The following OR9Q1 variants were observed in gnomAD, a reference collection of about 807,000 sequenced individuals.
OR9Q1 encodes the protein olfactory receptor family 9 subfamily Q member 1.
For missense variants in OR9Q1, 374 were observed against 378.8 expected (o/e 0.99, Z 0.11); for synonymous variants, 153 against 148.6 (o/e 1.03, Z -0.22).
intron 1 of OR9Q1, among the ~76,000 whole-genome samples, chr11:58,037,757 C>T (rs1460455716): frequency 2.7e-5 from 3 of 109,350 alleles, no homozygotes; most frequent in Non-Finnish European, 5.1e-5. Context: ...CTCACTCAGT[C>T]GCCCAGGCTG....
At chr11:58,127,419 G>T (rs1182283655) in intron 2 of OR9Q1, among the ~76,000 whole-genome samples, 1 of 152,226 alleles carries the variant, frequency 6.6e-6, no homozygotes, top group Non-Finnish European at 1.5e-5. Context: ...AAAGATGTAG[G>T]ATGTAGTTTC....
intron 2 of OR9Q1, among the ~76,000 whole-genome samples, chr11:58,132,691 T>G (rs1854153265): frequency 1.3e-5 from 2 of 152,230 alleles, no homozygotes; most frequent in Admixed American, 1.3e-4. Context: ...AACACAGAGG[T>G]ATCTCCCTCA....
intron 2 of OR9Q1, among the ~76,000 whole-genome samples, chr11:58,086,411 C>T (rs777522984): frequency 9.2e-5 from 14 of 151,580 alleles, no homozygotes; most frequent in South Asian, 2.1e-4. Flanking sequence ...TTGGTGGTAA[C>T]GTAAATGAAT....
intron 2 of OR9Q1, among the ~76,000 whole-genome samples, chr11:58,082,440 T>G (rs1853596592): frequency 6.6e-6 from 1 of 151,842 alleles, no homozygotes; most frequent in Non-Finnish European, 1.5e-5. Flanking sequence ...GTTCATGTCC[T>G]TTGTAGGGAC....
chr11:58,082,735 TTAAAG>T (rs1371754224), intron 2 of OR9Q1, among the ~76,000 whole-genome samples: 1 of 101,744 alleles, frequency 9.8e-6, no homozygotes, highest in Admixed American at 9.2e-5. Flanking sequence ...ACCCTAAAAC[TTAAAG>T]TATAATAATA....
At chr11:58,031,783 G>T (rs1390517808) in intron 1 of OR9Q1, 2 of 1,613,842 alleles carry the variant, frequency 1.2e-6, no homozygotes, top group Non-Finnish European at 1.7e-6. Flanking sequence ...TCAACAAGGT[G>T]GTATCTGTCT....
chr11:58,173,340 T>A (rs1231273874), intron 2 of OR9Q1, among the ~76,000 whole-genome samples: 1 of 133,994 alleles, frequency 7.5e-6, no homozygotes, highest in Non-Finnish European at 1.5e-5. Flanking sequence ...CCTGTGTCCA[T>A]GTGTTCTCGT....
intron 2 of OR9Q1, among the ~76,000 whole-genome samples, chr11:58,114,813 A>G (rs1329945373): frequency 6.6e-6 from 1 of 152,182 alleles, no homozygotes; most frequent in Admixed American, 6.5e-5. Context: ...TTGAGGTCAC[A>G]CAGCTTCTCC....
intron 2 of OR9Q1, among the ~76,000 whole-genome samples, chr11:58,154,077 G>GAGA (rs761983089): frequency 7.2e-4 from 109 of 151,342 alleles, no homozygotes; most frequent in African/African-American, 2.4e-3. Flanking sequence ...GAGAGAGCGA[G>GAGA]AGAAGAAGAA....
intron 2 of OR9Q1, among the ~76,000 whole-genome samples, chr11:58,162,073 G>A (rs370559078): frequency 5.3e-5 from 8 of 152,180 alleles, no homozygotes; most frequent in Admixed American, 2.6e-4. Context: ...TGCCATTCCT[G>A]TGTGGAACCT....
In OR9Q1 at chr11:58,181,002, A is replaced by C. The variant is rs959344922; in HGVS notation, c.*625A>C. ...CAAACTATGGTCGTTTGATGATCCA[A>C]TTAGCAAAGCTGACCCTACTCAAGG... On this transcript the variant is annotated 3_prime_UTR_variant, in exon 3 of 3. Transcript: ENST00000335397. 6 of 167,050 alleles carry C rather than the reference A, an allele frequency of 3.6e-5. No individual in the cohort carries two copies. The East Asian group carries it at 5.8e-4, about 16-fold the overall frequency. 10.3% of individuals were successfully genotyped at this position (167,050 alleles called of 1,614,324 possible).
chr11:58,024,509 T>C (rs1371626954), intron 1 of OR9Q1, among the ~76,000 whole-genome samples: 2 of 152,100 alleles, frequency 1.3e-5, no homozygotes, highest in African/African-American at 4.8e-5. Flanking sequence ...CACAAGCAAA[T>C]AGCTACAGGA....
At chr11:58,123,941 T>C (rs932115855) in intron 2 of OR9Q1, among the ~76,000 whole-genome samples, 1 of 152,222 alleles carries the variant, frequency 6.6e-6, no homozygotes, top group African/African-American at 2.4e-5. Flanking sequence ...CCTCTTGATA[T>C]ACCCTTGGAA....
chr11:58,057,614 G>T (rs1181465577), intron 2 of OR9Q1: 2 of 152,208 alleles, frequency 1.3e-5, no homozygotes, highest in Admixed American at 6.5e-5. Flanking sequence ...TTCTAACTTT[G>T]TGGTTAACTC....
In OR9Q1 at chr11:58,179,736, G is replaced by T. The variant is rs1241176434; in HGVS notation, c.292G>T (p.Ala98Ser). The T allele has an allele frequency of 1.9e-6, 3 of 1,614,088 alleles. No individual in the cohort carries two copies. Among genetic ancestry groups the T allele is most frequent in the African/African-American group, 2.7e-5 (2 of 74,944 alleles). Residue 98 changes from alanine to serine, a missense_variant, in exon 3 of 3, where the codon GCT becomes TCT. Physicochemically the swap from Ala to Ser is moderately conservative, Grantham distance 99. Transcript: ENST00000335397. ...GGCAGCTTTATCTTACACACGCTGT[G>T]CTGCTCAGTTCTTTCTGTTCACCTT... ...HGAALSYTRCAAQFFLFTFFG... is the reference protein window; with the variant it reads ...HGAALSYTRCSAQFFLFTFFG...
chr11:58,063,401 T>G (rs1853398686), intron 2 of OR9Q1, among the ~76,000 whole-genome samples: 1 of 152,222 alleles, frequency 6.6e-6, no homozygotes, highest in South Asian at 2.1e-4. Flanking sequence ...GGCATTTTTC[T>G]AAATGTTTTA....
chr11:58,064,627 C>A (rs951979137), intron 2 of OR9Q1, among the ~76,000 whole-genome samples: 1 of 152,128 alleles, frequency 6.6e-6, no homozygotes, highest in Non-Finnish European at 1.5e-5. Context: ...CCCTGAGATG[C>A]AGGAGTCATA....
At chr11:58,127,161 G>A (rs1854098204) in intron 2 of OR9Q1, among the ~76,000 whole-genome samples, 1 of 152,130 alleles carries the variant, frequency 6.6e-6, no homozygotes, top group East Asian at 1.9e-4. Context: ...TGTTGGCCAG[G>A]CTGGTCTTGA....
rs573165084 is a variant in OR9Q1 at position 58,174,980 on chromosome 11, C to A, written c.-14-4451C>A. ...CATTAGCTGGGCATGGTGGTGCACCCCTGTAATCCCAGCTACTAGGGTGGC... is the reference window on the plus strand; with the variant it reads ...CATTAGCTGGGCATGGTGGTGCACCACTGTAATCCCAGCTACTAGGGTGGC... On this transcript the variant is annotated intron_variant, in intron 2 of 2. Coordinates refer to ENST00000335397, the MANE Select transcript of OR9Q1 (RefSeq NM_001005212.4). Among the ~76,000 whole-genome samples the A allele has an allele frequency of 3.3e-5, 5 of 151,362 alleles. No homozygotes were observed. In the East Asian group the frequency reaches 7.8e-4, roughly 24 times the overall value.
Sources: allele counts gnomAD v4.1 joint callset (sites outside exome capture counted in the v4.1 genomes callset), GRCh38; gene constraint gnomAD v4.1.1; transcripts MANE v1.5; gene names NCBI Gene and HGNC (gene_info 2026-07-23, HGNC 2026-07-21).